TMEM63B: variants seen among roughly 807,000 people sequenced by gnomAD.
TMEM63B encodes the protein transmembrane protein 63B.
In TMEM63B, 23 loss-of-function variants were observed where a neutral mutation model predicts 102.6. The ratio of observed to expected loss-of-function variants is 0.22; its 90% CI spans 0.16 to 0.32. The LOEUF is 0.32. Among genes scored for constraint, TMEM63B ranks in the 10% least tolerant of loss-of-function variants. The pLI, the probability that TMEM63B is intolerant of heterozygous loss-of-function variation, is 1.00. For synonymous variants in TMEM63B, 444 were observed against 437.0 expected, an observed-to-expected ratio of 1.02 and a Z score of -0.20; for missense variants, 628 against 1,095.9, an observed-to-expected ratio of 0.57 and a Z score of 6.03.
At chr6:44,135,294 G>A (rs773975244) in intron 3 of TMEM63B, 34 bp from the exon 4 acceptor site, 23 of 1,605,020 alleles carry the variant, frequency 1.4e-5, no homozygotes, top group Middle Eastern at 1.7e-4. Context: ...ACTCTCCCCC[G>A]CCCCTGCTAA....
chr6:44,134,572 G>A lies in TMEM63B; in HGVS notation c.-13G>A, dbSNP rs376682628. 6.9e-5 allele frequency: 111 copies of A among 1,613,044 alleles called. No individual in the cohort carries two copies. The highest frequency in any genetic ancestry group is 4.4e-5 in the South Asian group (4 of 91,046). On this transcript the variant is annotated 5_prime_UTR_variant, in exon 2 of 24. Transcript: ENST00000323267. ...CACCCTCTGCCCAGGAGGACCATGC[G>A]GCAGTAGCAGCCATGCTGCCCTTTC...
Position 44,139,602 on chromosome 6 carries a change from C to T in TMEM63B, c.543C>T (p.Asp181=), listed in dbSNP as rs1251718502. 1.2e-6 allele frequency: 2 copies of T among 1,614,154 alleles called. No homozygotes were observed. Among genetic ancestry groups the T allele is most frequent in the Non-Finnish European group, 1.7e-6 (2 of 1,180,030 alleles). The change falls in exon 7 of 24, where the codon GAC becomes GAT. Residue 181 remains aspartate, a synonymous_variant. Coordinates refer to ENST00000323267, the MANE Select transcript of TMEM63B (RefSeq NM_018426.3). ...GIVLPVNFSG[D]LLENNAYSFG... ...TGCTGCCTGTCAACTTCTCAGGGGA[C>T]CTGCTGGGTCAGTGAGGGCCAGGAC...
At chr6:44,146,738 A>T in intron 10 of TMEM63B, 109 bp from the exon 11 acceptor site, 1 of 1,153,444 alleles carries the variant, frequency 8.7e-7, no homozygotes, top group Non-Finnish European at 1.3e-6. Context: ...GATGTGAGCC[A>T]CCACGTCCAG....
In TMEM63B at chr6:44,146,787, G is replaced by C; in HGVS notation, c.783-60G>C. The C allele has an allele frequency of 1.9e-6, 3 of 1,544,098 alleles. No individual in the cohort carries two copies. In the South Asian group the frequency reaches 3.3e-5, roughly 17 times the overall value. ...TCTTGAAGGTGATGGGGTCATGGAT[G>C]AAAGTCAGGGGCAGGTGGGTGGGGT... On this transcript the variant is annotated intron_variant, in intron 10 of 23. Coordinates refer to ENST00000323267, the MANE Select transcript of TMEM63B (RefSeq NM_018426.3).
At chr6:44,140,390 CA>C in intron 9 of TMEM63B, 30 bp downstream of exon 9, 1 of 1,565,054 alleles carries the variant, frequency 6.4e-7, no homozygotes, top group East Asian at 2.2e-5. Context: ...GGTCCTGCCC[CA>C]TCCCCAGCCT....
At chr6:44,141,189 G>A in intron 10 of TMEM63B, 91 bp downstream of exon 10, 2 of 1,312,498 alleles carry the variant, frequency 1.5e-6, no homozygotes, top group Non-Finnish European at 2.1e-6. Context: ...ACCCTAGCCT[G>A]GAGCTCTGCC....
chr6:44,148,203 C>G lies in TMEM63B; in HGVS notation c.988-49C>G. 1 of 1,609,132 alleles carries G rather than the reference C, an allele frequency of 6.2e-7. No homozygotes were observed. Among genetic ancestry groups the G allele is most frequent in the Non-Finnish European group, 8.5e-7 (1 of 1,176,744 alleles). ...CAGCGTGGGCTGGATGCTGCAGGCC[C>G]CAGCCTGGCTTTCCAACTAGAGGCC... is the stretch of plus-strand genomic sequence containing the variant. On this transcript the variant is annotated intron_variant, in intron 12 of 23. Transcript: ENST00000323267. This position sits in a 1 kb window ranked among gnomAD's most constrained non-coding sequence, Gnocchi z 5.1.
chr6:44,135,167 G>T, intron 3 of TMEM63B, 71 bp downstream of exon 3: 1 of 1,591,784 alleles, frequency 6.3e-7, no homozygotes. Context: ...GGAATAGGAA[G>T]GAGCCAGCCC....
intron 5 of TMEM63B, 80 bp from the exon 6 acceptor site, chr6:44,138,400 G>T (rs543601336): frequency 6.3e-7 from 1 of 1,578,330 alleles, no homozygotes; most frequent in African/African-American, 1.3e-5. Flanking sequence ...GTAATTATGA[G>T]AATGGGTGGG....
Position 44,148,819 on chromosome 6 carries a change from C to G in TMEM63B, c.1287C>G (p.Ile429Met). The change falls in exon 15 of 24, where the codon ATC (isoleucine) becomes ATG (methionine). Residue 429 changes from isoleucine to methionine, a missense_variant. By Grantham distance (10) the Ile-to-Met change is conservative. This residue lies in a region of TMEM63B where 336 missense variants were observed against 580.3 expected (regional missense o/e 0.58). Transcript: ENST00000323267. This position sits in a 1 kb window ranked among gnomAD's most constrained non-coding sequence, Gnocchi z 5.1. ...YWEHLSIRGF[I>M]WWLRCLVINV... ...AGCACCTCTCCATCCGAGGCTTCAT[C>G]TGGTGGCTGCGCTGCCTGGTCATCA... is the stretch of plus-strand genomic sequence containing the variant. 6.2e-7 allele frequency: 1 copy of G among 1,614,212 alleles called. No individual in the cohort carries two copies. The highest frequency in any genetic ancestry group is 8.5e-7 in the Non-Finnish European group (1 of 1,180,040).
intron 5 of TMEM63B, 57 bp downstream of exon 5, chr6:44,136,496 G>T (rs1047575130): frequency 3.3e-6 from 4 of 1,206,920 alleles, no homozygotes; most frequent in Non-Finnish European, 4.8e-6. Flanking sequence ...GGGCACATGG[G>T]CTGAGAAGTC....
Position 44,152,379 on chromosome 6 carries a change from C to T in TMEM63B, c.1837-214C>T, listed in dbSNP as rs1005297159. The stretch of plus-strand genomic sequence containing the variant: ...GCCCCGACCCTTGAAGGCCCCTCTC[C>T]GTGCCCCATCACTGCAACCGCCCTG... On this transcript the variant is annotated intron_variant, in intron 19 of 23. Coordinates refer to ENST00000323267, the MANE Select transcript of TMEM63B (RefSeq NM_018426.3). This position sits in a 1 kb window ranked among gnomAD's most constrained non-coding sequence, Gnocchi z 6.4. Among the ~76,000 whole-genome samples, 9 of 152,036 alleles carry T rather than the reference C, an allele frequency of 5.9e-5. No individual in the cohort carries two copies. The highest frequency in any genetic ancestry group is 2.0e-4 in the Admixed American group (3 of 15,268).
In TMEM63B at chr6:44,148,226, G is replaced by A. The variant is rs566968690; in HGVS notation, c.988-26G>A. 2 of 1,613,478 alleles carry A rather than the reference G, an allele frequency of 1.2e-6. No homozygotes were observed. Among genetic ancestry groups the A allele is most frequent in the Admixed American group, 3.3e-5 (2 of 59,984 alleles). On this transcript the variant is annotated intron_variant, in intron 12 of 23. Coordinates refer to ENST00000323267, the MANE Select transcript of TMEM63B (RefSeq NM_018426.3). This position sits in a 1 kb window ranked among gnomAD's most constrained non-coding sequence, Gnocchi z 5.1. The stretch of plus-strand genomic sequence containing the variant: ...CCCCAGCCTGGCTTTCCAACTAGAG[G>A]CCCTGTCCCTAACCCTCCCACAAAG...
At chr6:44,128,963 T>C (rs1300052135) in intron 1 of TMEM63B, among the ~76,000 whole-genome samples, 2 of 152,232 alleles carry the variant, frequency 1.3e-5, no homozygotes, top group Non-Finnish European at 1.5e-5. Context: ...AAGAACCCCC[T>C]TGGACATCAT....
intron 5 of TMEM63B, among the ~76,000 whole-genome samples, chr6:44,137,965 G>A (rs1431313835): frequency 6.6e-6 from 1 of 152,154 alleles, no homozygotes; most frequent in Non-Finnish European, 1.5e-5. Flanking sequence ...CTCCAAAAGT[G>A]CTGGGATTAC....
intron 8 of TMEM63B, 143 bp downstream of exon 8, chr6:44,139,902 A>C: frequency 9.7e-7 from 1 of 1,033,526 alleles, no homozygotes; most frequent in Non-Finnish European, 1.5e-6. Flanking sequence ...TGGGTTGGAG[A>C]CAGAAGAGGG....
rs538280478 is a variant in TMEM63B, at chr6:44,130,811, G to T, written c.-25+3133G>T. ...CTCTTGCCCAGGCTGGAGTGCAGTG[G>T]CATGATCATGGCTGACTGCAGCCTC... On this transcript the variant is annotated intron_variant, in intron 1 of 23. Coordinates refer to ENST00000323267, the MANE Select transcript of TMEM63B (RefSeq NM_018426.3). Among the ~76,000 whole-genome samples, 22 of 151,496 alleles carry T rather than the reference G, an allele frequency of 1.5e-4. 2 individuals carry two copies. The South Asian group carries it at 4.2e-3, about 29-fold the overall frequency.
intron 6 of TMEM63B, 125 bp from the exon 7 acceptor site, chr6:44,139,342 A>T (rs1763757763): frequency 8.4e-7 from 1 of 1,197,104 alleles, no homozygotes; most frequent in Non-Finnish European, 1.2e-6. Flanking sequence ...TCAGCCCTAT[A>T]CTACTGCCAG....
chr6:44,154,438 A>C lies in TMEM63B; in HGVS notation c.2300A>C (p.Lys767Thr). Residue 767 changes from lysine (K) to threonine (T), a missense_variant, in exon 23 of 24, where the codon AAA becomes ACA. Lys to Thr is a moderately conservative substitution (Grantham distance 78, BLOSUM62 -1). Around this residue, in one of 6 missense-constraint regions of TMEM63B, gnomAD observed 129 missense variants for 153.5 expected, o/e 0.84. Transcript: ENST00000323267. ...GRPPTAAAVP[K>T]SAKYIAQVLQ... ...CCCCCCACTGCTGCTGCTGTCCCCA[A>C]ATCTGCGGTGAGTGCCCTCAAGGGT... 1 of 1,613,978 alleles carries C rather than the reference A, an allele frequency of 6.2e-7. No individual in the cohort carries two copies. Among genetic ancestry groups the C allele is most frequent in the East Asian group, 2.2e-5 (1 of 44,882 alleles).
Sources: gnomAD v4.1 joint callset for allele counts (sites outside exome capture counted in the v4.1 genomes callset) on GRCh38, gnomAD v4.1.1 for gene constraint, gnomAD v4.1.1 regional missense constraint, Gnocchi (gnomAD v3.1) non-coding constraint, MANE v1.5 for transcripts, NCBI Gene and HGNC (gene_info 2026-07-23, HGNC 2026-07-21) for gene names.